The following SAMD5 variants were observed in gnomAD, a reference collection of about 807,000 sequenced individuals.
SAMD5 encodes the protein sterile alpha motif domain-containing protein 5.
Under a neutral mutation model 11.3 loss-of-function variants are expected in SAMD5, and 13 were observed. The ratio of observed to expected loss-of-function variants is 1.15; its 90% CI spans 0.75 to 1.83. The LOEUF is 1.83. SAMD5 is among the 40% of genes most tolerant of loss of function. The probability of loss-of-function intolerance (pLI) is 0.00; values close to 1 mark genes in which losing one functional copy is unlikely to be tolerated. For missense variants in SAMD5, 255 were observed against 239.1 expected (o/e 1.07, Z -0.44); for synonymous variants, 129 against 111.3 (o/e 1.16, Z -1.00).
the SAMD5 span, among the ~76,000 whole-genome samples, chr6:147,852,866 T>C: frequency 6.6e-6 from 1 of 152,216 alleles, no homozygotes; most frequent in Non-Finnish European, 1.5e-5. Context: ...TTGACTTAAA[T>C]TACAGCCAAT....
intron 1 of SAMD5, among the ~76,000 whole-genome samples, chr6:147,558,086 T>C (rs1318122309): frequency 1.3e-5 from 2 of 152,178 alleles, no homozygotes; most frequent in African/African-American, 4.8e-5. Flanking sequence ...ATAATCATAG[T>C]ATGTTCTATA....
chr6:147,750,316 A>G, the SAMD5 span, among the ~76,000 whole-genome samples: 44 of 152,222 alleles, frequency 2.9e-4, no homozygotes, highest in Non-Finnish European at 5.4e-4. Flanking sequence ...TACAGGACAG[A>G]ATTTCCTGAA....
the SAMD5 span, among the ~76,000 whole-genome samples, chr6:147,885,966 TCAAAAAGTTTTC>T: frequency 2.6e-5 from 4 of 152,210 alleles, no homozygotes; most frequent in African/African-American, 9.6e-5. Flanking sequence ...AGAGAAAACA[TCAAAAAGTTTTC>T]CAACTCATTC....
the SAMD5 span, among the ~76,000 whole-genome samples, chr6:147,837,294 G>C: frequency 6.6e-6 from 1 of 152,040 alleles, no homozygotes; most frequent in Non-Finnish European, 1.5e-5. Context: ...CTCAGCTAAG[G>C]ATTGGGCACA....
At chr6:147,525,358 G>A (rs777924615) in intron 1 of SAMD5, among the ~76,000 whole-genome samples, 12 of 147,918 alleles carry the variant, frequency 8.1e-5, no homozygotes, top group African/African-American at 5.0e-5. Flanking sequence ...CCCTGAAGAC[G>A]TGTGTTGGAG....
chr6:147,949,408 T>C, the SAMD5 span, among the ~76,000 whole-genome samples: 6 of 152,236 alleles, frequency 3.9e-5, no homozygotes, highest in Admixed American at 2.6e-4. Flanking sequence ...TTCATTTCAC[T>C]ATATTCAGGT....
At chr6:147,818,700 A>G in the SAMD5 span, among the ~76,000 whole-genome samples, 2 of 152,166 alleles carry the variant, frequency 1.3e-5, no homozygotes, top group South Asian at 2.1e-4. Context: ...CACAACGCCA[A>G]TGGCCCGGAC....
intron 1 of SAMD5, among the ~76,000 whole-genome samples, chr6:147,544,547 C>A (rs1360664804): frequency 6.6e-6 from 1 of 152,074 alleles, no homozygotes; most frequent in Non-Finnish European, 1.5e-5. Flanking sequence ...TCATAGTGTC[C>A]TTGTTACCCT....
the SAMD5 span, among the ~76,000 whole-genome samples, chr6:147,899,613 G>A: frequency 1.2e-4 from 18 of 152,094 alleles, no homozygotes; most frequent in Admixed American, 3.9e-4. Context: ...AGACCCTGCC[G>A]CTCCCTCTTG....
At chr6:147,781,769 T>TGCGC in the SAMD5 span, among the ~76,000 whole-genome samples, 347 of 81,744 alleles carry the variant, frequency 4.2e-3, 3 homozygotes, top group African/African-American at 0.018. Flanking sequence ...ATAATTTGTG[T>TGCGC]GCGCACACAC....
the SAMD5 span, among the ~76,000 whole-genome samples, chr6:147,824,134 A>G: frequency 6.6e-6 from 1 of 152,272 alleles, no homozygotes; most frequent in South Asian, 2.1e-4. Flanking sequence ...GGGTACTTGG[A>G]AGTCTTTAGC....
chr6:147,742,971 C>G, the SAMD5 span, among the ~76,000 whole-genome samples: 7 of 152,200 alleles, frequency 4.6e-5, no homozygotes, highest in African/African-American at 1.7e-4. Context: ...TGTGGAGGTA[C>G]AAGAAGGTGA....
the SAMD5 span, among the ~76,000 whole-genome samples, chr6:147,924,932 G>T: frequency 6.6e-6 from 1 of 152,030 alleles, no homozygotes; most frequent in African/African-American, 2.4e-5. Flanking sequence ...TTGAGGCATT[G>T]TGATTGACTA....
intron 1 of SAMD5, among the ~76,000 whole-genome samples, chr6:147,721,229 G>A (rs1443235616): frequency 6.7e-6 from 1 of 149,072 alleles, no homozygotes; most frequent in Non-Finnish European, 1.5e-5. Context: ...TGGGATGGCT[G>A]GGTCAAATGG....
chr6:147,883,450 T>C, the SAMD5 span, among the ~76,000 whole-genome samples: 3 of 152,212 alleles, frequency 2.0e-5, no homozygotes, highest in East Asian at 3.8e-4. Context: ...AACTCAGAGA[T>C]GTGATTGACT....
the SAMD5 span, among the ~76,000 whole-genome samples, chr6:147,923,493 A>T: frequency 6.6e-6 from 1 of 152,214 alleles, no homozygotes; most frequent in African/African-American, 2.4e-5. Flanking sequence ...TTTTAATGCT[A>T]TAACTTGACA....
chr6:147,667,577 AC>A (rs1453953080), intron 1 of SAMD5, among the ~76,000 whole-genome samples: 13 of 152,256 alleles, frequency 8.5e-5, no homozygotes, highest in African/African-American at 3.1e-4. Context: ...CCATTCACCA[AC>A]TTAAATTCCT....
intron 1 of SAMD5, among the ~76,000 whole-genome samples, chr6:147,658,071 A>G (rs557459926): frequency 6.6e-6 from 1 of 152,294 alleles, no homozygotes; most frequent in South Asian, 2.1e-4. Flanking sequence ...TCCAAAGGGG[A>G]CTTACACAGG....
At chr6:147,689,605 A>G (rs1056846371) in intron 1 of SAMD5, among the ~76,000 whole-genome samples, 11 of 152,244 alleles carry the variant, frequency 7.2e-5, no homozygotes, top group Non-Finnish European at 1.5e-4. Flanking sequence ...AGGTAGTCAG[A>G]TGTCTTTGCA....
Sources: gnomAD v4.1 joint callset for allele counts (sites outside exome capture counted in the v4.1 genomes callset) on GRCh38, gnomAD v4.1.1 for gene constraint, MANE v1.5 for transcripts, NCBI Gene and HGNC (gene_info 2026-07-23, HGNC 2026-07-21) for gene names.